PABPC4L: variants seen among roughly 807,000 people sequenced by gnomAD.
PABPC4L encodes the protein polyadenylate-binding protein 4-like.
For synonymous variants in PABPC4L, 169 were observed against 164.1 expected (o/e 1.03, Z -0.23); for missense variants, 452 against 451.4 (o/e 1.00, Z -0.01).
At chr4:134,034,641 G>T in the PABPC4L span, among the ~76,000 whole-genome samples, 1 of 151,962 alleles carries the variant, frequency 6.6e-6, no homozygotes, top group Non-Finnish European at 1.5e-5. Context: ...AGGAATTCAA[G>T]ACCAGTGGAG....
At chr4:134,023,415 C>A in the PABPC4L span, among the ~76,000 whole-genome samples, 3 of 152,092 alleles carry the variant, frequency 2.0e-5, no homozygotes, top group Admixed American at 2.0e-4. Context: ...TCCCAGAGTT[C>A]TCTCAGAATA....
chr4:134,019,109 A>C, the PABPC4L span, among the ~76,000 whole-genome samples: 2 of 152,180 alleles, frequency 1.3e-5, no homozygotes, highest in African/African-American at 4.8e-5. Flanking sequence ...TTAAATAAAA[A>C]TTAGAGAAAT....
the PABPC4L span, among the ~76,000 whole-genome samples, chr4:134,176,591 C>A: frequency 3.9e-5 from 6 of 152,042 alleles, no homozygotes; most frequent in Non-Finnish European, 5.9e-5. Context: ...GTGCCTCTCT[C>A]ATGGAGAGGA....
the PABPC4L span, among the ~76,000 whole-genome samples, chr4:134,142,636 A>G: frequency 6.6e-6 from 1 of 151,560 alleles, no homozygotes; most frequent in Non-Finnish European, 1.5e-5. Flanking sequence ...AATGAGACAT[A>G]TAGGACATGT....
the PABPC4L span, among the ~76,000 whole-genome samples, chr4:134,081,378 G>A: frequency 1.4e-3 from 210 of 152,274 alleles, no homozygotes; most frequent in Admixed American, 0.012. Context: ...AAACATCAGA[G>A]TGGTCAGTCC....
chr4:133,972,583 T>A, the PABPC4L span, among the ~76,000 whole-genome samples: 2 of 152,198 alleles, frequency 1.3e-5, no homozygotes, highest in Admixed American at 1.3e-4. Flanking sequence ...CATAATAAGA[T>A]GTTTCATAAA....
the PABPC4L span, among the ~76,000 whole-genome samples, chr4:133,995,522 T>C: frequency 2.0e-5 from 3 of 152,230 alleles, no homozygotes; most frequent in African/African-American, 4.8e-5. Context: ...GTATGACTAA[T>C]TTGTCTCTTA....
Position 134,200,680 on chromosome 4 carries a change from G to C in PABPC4L, c.340C>G (p.Leu114Val). Residue 114 changes from leucine to valine, a missense_variant, in exon 2 of 2, where the codon CTT becomes GTT. Coordinates refer to ENST00000421491, the MANE Select transcript of PABPC4L (RefSeq NM_001114734.2). ...CCAAAAGCTGAAAAATGTTCATAAA[G>C]GGTTTTGTTATCGATAGATTTGTCC... ...NLDKSIDNKT[L>V]YEHFSAFGKI... 1.3e-6 allele frequency: 2 copies of C among 1,551,652 alleles called. No homozygotes were observed. Among genetic ancestry groups the C allele is most frequent in the South Asian group, 1.2e-5 (1 of 84,066 alleles).
the PABPC4L span, among the ~76,000 whole-genome samples, chr4:134,109,013 A>G: frequency 4.6e-5 from 7 of 152,066 alleles, no homozygotes; most frequent in Middle Eastern, 3.4e-3. Flanking sequence ...ATGCCAGGTG[A>G]ACAGTTCAAC....
At chr4:134,013,830 C>T in the PABPC4L span, among the ~76,000 whole-genome samples, 3 of 152,160 alleles carry the variant, frequency 2.0e-5, no homozygotes, top group South Asian at 6.2e-4. Context: ...CCCCTCCTCA[C>T]CAGGCTGAGA....
chr4:134,083,455 G>A, the PABPC4L span, among the ~76,000 whole-genome samples: 1 of 152,050 alleles, frequency 6.6e-6, no homozygotes, highest in Non-Finnish European at 1.5e-5. Context: ...ATTCCTCTCA[G>A]ATACATTTTT....
chr4:134,200,184 A>C lies in PABPC4L; in HGVS notation c.836T>G (p.Phe279Cys), dbSNP rs1729805718. The C allele has an allele frequency of 6.4e-7, 1 of 1,551,468 alleles. No homozygotes were observed. The highest frequency in any genetic ancestry group is 1.4e-5 in the African/African-American group (1 of 73,008). ...VERQAELKQM[F>C]EQLKRERIRG... Reference sequence around the variant, plus strand: ...AATTCGTTCCCTTTTCAGCTGCTCAAACATTTGCTTTAACTCAGCCTGTCG... The same window carrying C: ...AATTCGTTCCCTTTTCAGCTGCTCACACATTTGCTTTAACTCAGCCTGTCG... The change falls in exon 2 of 2, where the codon TTT becomes TGT. Residue 279 changes from phenylalanine to cysteine, a missense_variant. Phe to Cys is a radical substitution (Grantham distance 205). Coordinates refer to ENST00000421491, the MANE Select transcript of PABPC4L (RefSeq NM_001114734.2).
chr4:134,170,287 C>T, the PABPC4L span, among the ~76,000 whole-genome samples: 5 of 152,172 alleles, frequency 3.3e-5, no homozygotes, highest in Admixed American at 6.5e-5. Context: ...TACCACATTT[C>T]CTTTCTCCAG....
At chr4:134,116,487 C>A in the PABPC4L span, among the ~76,000 whole-genome samples, 1 of 151,726 alleles carries the variant, frequency 6.6e-6, no homozygotes, top group Non-Finnish European at 1.5e-5. Flanking sequence ...CTAAAGCCAT[C>A]GGAATCACTA....
chr4:134,194,001 C>T (rs115754685), downstream of PABPC4L, among the ~76,000 whole-genome samples: 1,379 of 151,634 alleles, frequency 9.1e-3, 12 homozygotes, highest in South Asian at 0.025. Context: ...ACTTTTCAGG[C>T]GATATATTGG....
the PABPC4L span, among the ~76,000 whole-genome samples, chr4:134,181,668 C>A: frequency 3.9e-5 from 6 of 152,066 alleles, no homozygotes; most frequent in South Asian, 1.2e-3. Context: ...ACTACTTCAG[C>A]AAAGTTTCAG....
the PABPC4L span, among the ~76,000 whole-genome samples, chr4:134,000,064 G>A: frequency 8.4e-4 from 128 of 152,058 alleles, no homozygotes; most frequent in African/African-American, 2.5e-3. Flanking sequence ...GCTCATCTTC[G>A]TGAAGATTCA....
At chr4:134,065,741 A>G in the PABPC4L span, among the ~76,000 whole-genome samples, 1 of 152,060 alleles carries the variant, frequency 6.6e-6, no homozygotes, top group African/African-American at 2.4e-5. Flanking sequence ...CAGGGTTTTT[A>G]TATTTTCAGG....
chr4:134,112,721 A>G, the PABPC4L span, among the ~76,000 whole-genome samples: 2 of 151,958 alleles, frequency 1.3e-5, no homozygotes, highest in African/African-American at 4.8e-5. Flanking sequence ...ATGTATATAT[A>G]TGTGTGTGTG....
Sources: gnomAD v4.1 joint callset for allele counts (sites outside exome capture counted in the v4.1 genomes callset) on GRCh38, gnomAD v4.1.1 for gene constraint, MANE v1.5 for transcripts, NCBI Gene and HGNC (gene_info 2026-07-23, HGNC 2026-07-21) for gene names.